Variants in CACNG3 observed in about 807,000 individuals in gnomAD.
CACNG3 encodes voltage-dependent calcium channel gamma-3 subunit.
Under a neutral mutation model 28.5 loss-of-function variants are expected in CACNG3, and 3 were observed. That is an observed-to-expected ratio of 0.11 (90% CI 0.05 to 0.27). The LOEUF (loss-of-function observed/expected upper bound fraction) is 0.27. CACNG3 is among the 10% of genes least tolerant of loss of function. The pLI is 1.00. For synonymous variants in CACNG3, 174 were observed against 162.2 expected (o/e 1.07, Z -0.55); for missense variants, 236 against 414.4 (o/e 0.57, Z 3.74).
intron 1 of CACNG3, among the ~76,000 whole-genome samples, chr16:24,308,272 T>A (rs1899212622): frequency 6.6e-6 from 1 of 152,166 alleles, no homozygotes; most frequent in Admixed American, 6.5e-5. Context: ...AGGAAAGCTG[T>A]CTATGCCCCT....
At chr16:24,265,668 A>T (rs1898601075) in intron 1 of CACNG3, among the ~76,000 whole-genome samples, 1 of 152,232 alleles carries the variant, frequency 6.6e-6, no homozygotes, top group African/African-American at 2.4e-5. Flanking sequence ...TGTACATTTT[A>T]AAATGGTTGA....
chr16:24,295,110 G>T (rs1899014864), intron 1 of CACNG3, among the ~76,000 whole-genome samples: 1 of 152,142 alleles, frequency 6.6e-6, no homozygotes, highest in Non-Finnish European at 1.5e-5. Context: ...ACCTCCACCT[G>T]CCAGTTTAGC....
At chr16:24,262,412 A>C (rs958248544) in intron 1 of CACNG3, among the ~76,000 whole-genome samples, 2 of 152,224 alleles carry the variant, frequency 1.3e-5, no homozygotes, top group Admixed American at 6.5e-5. Context: ...AACATGACTA[A>C]TAGTCAGACA....
chr16:24,343,655 G>A (rs1386276503), intron 1 of CACNG3, among the ~76,000 whole-genome samples: 1 of 152,230 alleles, frequency 6.6e-6, no homozygotes, highest in Non-Finnish European at 1.5e-5. Context: ...ACTTGTTGAA[G>A]AGAGTGTAAT....
At chr16:24,277,507 GCTTA>G in intron 1 of CACNG3, among the ~76,000 whole-genome samples, 1 of 152,192 alleles carries the variant, frequency 6.6e-6, no homozygotes, top group Non-Finnish European at 1.5e-5. Flanking sequence ...GAGTGCGGTG[GCTTA>G]CACCCGTGAT....
At chr16:24,326,095 C>T (rs1899537824) in intron 1 of CACNG3, among the ~76,000 whole-genome samples, 1 of 152,158 alleles carries the variant, frequency 6.6e-6, no homozygotes, top group Admixed American at 6.5e-5. Context: ...GGGTTGGGGG[C>T]TTGGCAACTG....
At chr16:24,288,197 T>A (rs1246353193) in intron 1 of CACNG3, among the ~76,000 whole-genome samples, 1 of 152,226 alleles carries the variant, frequency 6.6e-6, no homozygotes, top group Non-Finnish European at 1.5e-5. Context: ...GTGATGGTGA[T>A]GGTGATGGTG....
At chr16:24,311,782 G>C (rs1366607212) in intron 1 of CACNG3, among the ~76,000 whole-genome samples, 1 of 151,742 alleles carries the variant, frequency 6.6e-6, no homozygotes, top group Non-Finnish European at 1.5e-5. Context: ...CTTGAACCTG[G>C]GAGGTGGAGG....
At chr16:24,306,378 T>C in intron 1 of CACNG3, among the ~76,000 whole-genome samples, 1 of 152,224 alleles carries the variant, frequency 6.6e-6, no homozygotes, top group East Asian at 1.9e-4. Flanking sequence ...AGAAAGCTGC[T>C]AAGCTAGAGT....
chr16:24,269,746 C>CAAAAAAAAAAAAAAAAAAAAAAA (rs1163565728), intron 1 of CACNG3, among the ~76,000 whole-genome samples: 5 of 71,076 alleles, frequency 7.0e-5, no homozygotes, highest in African/African-American at 9.7e-5. Context: ...GACTCCATCT[C>CAAAAAAAAAAAAAAAAAAAAAAA]AAAAAAAAAA....
intron 2 of CACNG3, among the ~76,000 whole-genome samples, chr16:24,348,238 A>ATT (rs200432788): frequency 6.8e-5 from 10 of 147,426 alleles, no homozygotes; most frequent in African/African-American, 2.0e-4. Context: ...ACTCTACAGA[A>ATT]TTTTTTTTTT....
At chr16:24,258,706 T>C (rs1898500690) in intron 1 of CACNG3, among the ~76,000 whole-genome samples, 2 of 152,202 alleles carry the variant, frequency 1.3e-5, no homozygotes, top group Admixed American at 6.5e-5. Flanking sequence ...AAAACTGATT[T>C]GGTGGATGTT....
chr16:24,267,138 T>A lies in CACNG3; in HGVS notation c.211+10173T>A, dbSNP rs548861104. 3.9e-5 allele frequency among the ~76,000 whole-genome samples: 6 copies of A among 152,018 alleles called. 1 individual carries two copies. The South Asian group carries it at 1.2e-3, about 32-fold the overall frequency. ...CCCGCCACCACACCTGGCTAATTTT[T>A]TATATTTTTAGTAAAGACGGGGTTT... On this transcript the variant is annotated intron_variant, in intron 1 of 3. Transcript: ENST00000005284.
At chr16:24,313,642 T>C (rs1035290867) in intron 1 of CACNG3, among the ~76,000 whole-genome samples, 1 of 152,124 alleles carries the variant, frequency 6.6e-6, no homozygotes, top group African/African-American at 2.4e-5. Flanking sequence ...CTAACTTATA[T>C]ACAGACAAGG....
At chr16:24,336,420 C>T (rs1023573042) in intron 1 of CACNG3, among the ~76,000 whole-genome samples, 8 of 151,570 alleles carry the variant, frequency 5.3e-5, no homozygotes, top group Admixed American at 1.3e-4. Context: ...TATAGGCGCC[C>T]GCCACTACAC....
intron 1 of CACNG3, among the ~76,000 whole-genome samples, chr16:24,332,344 A>G (rs1395085763): frequency 2.0e-5 from 3 of 151,998 alleles, no homozygotes; most frequent in African/African-American, 7.3e-5. Context: ...ATGCACCTGC[A>G]GCTCCAGCTA....
At chr16:24,341,968 T>A (rs1318208579) in intron 1 of CACNG3, among the ~76,000 whole-genome samples, 1 of 152,148 alleles carries the variant, frequency 6.6e-6, no homozygotes, top group Non-Finnish European at 1.5e-5. Flanking sequence ...ATTCAGAATT[T>A]TAAATTGCAG....
Position 24,314,394 on chromosome 16 carries a change from A to C in CACNG3, c.212-32340A>C, listed in dbSNP as rs568517707. On this transcript the variant is annotated intron_variant, in intron 1 of 3. Transcript: ENST00000005284. The stretch of plus-strand genomic sequence containing the variant: ...AGAAGTAAGAATCCCCTTGGCCCTC[A>C]GGTCAGTCCAGCAGCCACGGGTGAT... Among the ~76,000 whole-genome samples the C allele has an allele frequency of 2.6e-5, 4 of 152,156 alleles. No individual in the cohort carries two copies. The South Asian group carries it at 8.3e-4, about 32-fold the overall frequency.
chr16:24,336,477 G>A (rs972152193), intron 1 of CACNG3, among the ~76,000 whole-genome samples: 3 of 151,672 alleles, frequency 2.0e-5, no homozygotes, highest in Non-Finnish European at 4.4e-5. Flanking sequence ...GGGTTTCACC[G>A]TGTCAGCCAG....
Sources: gnomAD v4.1 joint callset for allele counts (sites outside exome capture counted in the v4.1 genomes callset) on GRCh38, gnomAD v4.1.1 for gene constraint, MANE v1.5 for transcripts, NCBI Gene and HGNC (gene_info 2026-07-23, HGNC 2026-07-21) for gene names.